The following HNRNPR variants were observed in gnomAD, a reference collection of about 807,000 sequenced individuals.
HNRNPR encodes heterogeneous nuclear ribonucleoprotein R.
A neutral mutation model predicts 70.3 loss-of-function variants in HNRNPR; 4 were observed. The observed-to-expected ratio is 0.06, with a 90% CI of 0.03 to 0.13. The LOEUF is 0.13. Ranked by LOEUF, HNRNPR falls within the 10% of genes least tolerant of loss-of-function variation. The pLI, the probability that HNRNPR is intolerant of heterozygous loss-of-function variation, is 1.00. For missense variants in HNRNPR, 423 were observed against 788.5 expected, an observed-to-expected ratio of 0.54 and a Z score of 5.55; for synonymous variants, 241 against 267.6, an observed-to-expected ratio of 0.90 and a Z score of 0.97.
chr1:23,316,223 T>G (rs1257032411), intron 8 of HNRNPR, among the ~76,000 whole-genome samples: 1 of 152,172 alleles, frequency 6.6e-6, no homozygotes, highest in Non-Finnish European at 1.5e-5. Context: ...GAGGGACGCT[T>G]AAGCCCAGGA....
rs1256699802 is a variant in HNRNPR, at chr1:23,311,034, C to T, written c.1322G>A (p.Arg441His). 3.1e-6 allele frequency: 5 copies of T among 1,614,006 alleles called. No homozygotes were observed. The highest frequency in any genetic ancestry group is 1.1e-5 in the South Asian group (1 of 91,052). ...CCGACCTCTAATTGGAGGTGGCATG[C>T]GAGGAGGAGGGTGGTAGTAATAATC... ...YEDYYYHPPP[R>H]MPPPIRGRGR... is the part of the protein sequence containing the mutation. Residue 441 changes from arginine to histidine, a missense_variant, in exon 11 of 11, where the codon CGC (arginine) becomes CAC (histidine). Transcript: ENST00000302271.
At chr1:23,336,412 GAAAA>G (rs896760273) in intron 4 of HNRNPR, among the ~76,000 whole-genome samples, 1 of 146,166 alleles carries the variant, frequency 6.8e-6, no homozygotes, top group Non-Finnish European at 1.5e-5. Context: ...AAAAATACAA[GAAAA>G]AAAAAATTAG....
chr1:23,329,040 A>G (rs1646113335), intron 5 of HNRNPR, among the ~76,000 whole-genome samples: 1 of 152,072 alleles, frequency 6.6e-6, no homozygotes, highest in African/African-American at 2.4e-5. Flanking sequence ...AGGTTCCCCT[A>G]AACCCAGGAG....
rs1645235157 is a variant in HNRNPR at position 23,308,261 on chromosome 1, G to A, written c.*2193C>T. ...AATTAAAGGAAAGGATTTTGACATG[G>A]AACCCAAGTTTTAATCTTATGTTTT... On this transcript the variant is annotated 3_prime_UTR_variant, in exon 11 of 11. Transcript: ENST00000302271. The A allele has an allele frequency of 6.6e-6, 1 of 152,016 alleles. No homozygotes were observed. Among genetic ancestry groups the A allele is most frequent in the Non-Finnish European group, 1.5e-5 (1 of 67,890 alleles). The allele number at this position is 152,016 out of a possible 1,614,324, so 9.4% of individuals were successfully genotyped here.
chr1:23,320,550 T>C (rs1645716356), intron 7 of HNRNPR, among the ~76,000 whole-genome samples: 2 of 152,144 alleles, frequency 1.3e-5, no homozygotes, highest in South Asian at 2.1e-4. Context: ...TTTAGATTAA[T>C]GAAAGGCTGA....
At position 23,311,029 on chromosome 1, in the gene HNRNPR, G is replaced by A. The variant is rs759970758; in HGVS notation, c.1327C>T (p.Pro443Ser). The A allele has an allele frequency of 1.2e-6, 2 of 1,614,144 alleles. No individual in the cohort carries two copies. The highest frequency in any genetic ancestry group is 1.7e-6 in the Non-Finnish European group (2 of 1,180,014). Residue 443 changes from proline to serine, a missense_variant, in exon 11 of 11, where the codon CCA (proline) becomes TCA (serine). Physicochemically the swap from Pro to Ser is moderately conservative, Grantham distance 74 (BLOSUM62 -1). Coordinates refer to ENST00000302271, the MANE Select transcript of HNRNPR (RefSeq NM_005826.5). ...DYYYHPPPRM[P>S]PPIRGRGRGG... is the part of the protein sequence containing the mutation. ...CGACCCCGACCTCTAATTGGAGGTG[G>A]CATGCGAGGAGGAGGGTGGTAGTAA...
intron 2 of HNRNPR, 130 bp from the exon 3 acceptor site, chr1:23,338,738 C>A: frequency 2.1e-6 from 1 of 480,808 alleles, no homozygotes; most frequent in Non-Finnish European, 3.8e-6. Flanking sequence ...TAACTATATG[C>A]ATATACGCAG....
At position 23,306,485 on chromosome 1, in the gene HNRNPR, C is replaced by A. The variant is rs1645203686; in HGVS notation, c.*3969G>T. ...GACATCATGACATGTCAGGTCAGGG[C>A]AGCCTCAACCTCGCTTCCCTGATAG... On this transcript the variant is annotated 3_prime_UTR_variant, in exon 11 of 11. Coordinates refer to ENST00000302271, the MANE Select transcript of HNRNPR (RefSeq NM_005826.5). 1 of 151,934 alleles carries A rather than the reference C, an allele frequency of 6.6e-6. No individual in the cohort carries two copies. The highest frequency in any genetic ancestry group is 2.4e-5 in the African/African-American group (1 of 41,346). The allele number at this position is 151,934 out of a possible 1,614,324, so 9.4% of individuals were successfully genotyped here.
intron 5 of HNRNPR, among the ~76,000 whole-genome samples, chr1:23,329,697 T>C (rs1398675488): frequency 6.6e-6 from 1 of 152,216 alleles, no homozygotes; most frequent in East Asian, 1.9e-4. Flanking sequence ...AGTGGCACAA[T>C]AACAGCTCAC....
intron 7 of HNRNPR, among the ~76,000 whole-genome samples, chr1:23,321,194 C>A (rs1645745838): frequency 7.3e-6 from 1 of 136,812 alleles, no homozygotes; most frequent in East Asian, 2.0e-4. Flanking sequence ...CTAGACAAGG[C>A]AGCAGGGAGA....
chr1:23,324,629 AATCTAT>A (rs1645892213), intron 5 of HNRNPR, among the ~76,000 whole-genome samples: 2 of 152,188 alleles, frequency 1.3e-5, no homozygotes, highest in South Asian at 4.1e-4. Flanking sequence ...CCAGTGCTTC[AATCTAT>A]TCCTCTCTCT....
chr1:23,311,419 T>A, intron 9 of HNRNPR, 97 bp from the exon 10 acceptor site: 2 of 768,112 alleles, frequency 2.6e-6, no homozygotes, highest in Non-Finnish European at 4.1e-6. Context: ...TTAATACACT[T>A]AACAATTTAC....
At chr1:23,325,729 A>G (rs1645945973) in intron 5 of HNRNPR, among the ~76,000 whole-genome samples, 1 of 151,978 alleles carries the variant, frequency 6.6e-6, no homozygotes, top group Admixed American at 6.6e-5. Flanking sequence ...TATTCCTTCA[A>G]CTCTCATATT....
At position 23,307,429 on chromosome 1, in the gene HNRNPR, A is replaced by G. The variant is rs998949374; in HGVS notation, c.*3025T>C. ...CTAAGTCAGATTTCAAAGTCAAAAG[A>G]GAGAAAAATTATCTCCTACTATCAG... On this transcript the variant is annotated 3_prime_UTR_variant, in exon 11 of 11. Coordinates refer to ENST00000302271, the MANE Select transcript of HNRNPR (RefSeq NM_005826.5). 1 of 152,086 alleles carries G rather than the reference A, an allele frequency of 6.6e-6. No individual in the cohort carries two copies. Among genetic ancestry groups the G allele is most frequent in the African/African-American group, 2.4e-5 (1 of 41,434 alleles). The allele number at this position is 152,086 out of a possible 1,614,324, so 9.4% of individuals were successfully genotyped here.
At chr1:23,333,909 AC>A (rs1192177021) in intron 4 of HNRNPR, among the ~76,000 whole-genome samples, 2 of 151,310 alleles carry the variant, frequency 1.3e-5, no homozygotes, top group Admixed American at 6.6e-5. Context: ...ATTTCTCCCT[AC>A]TGTCTTTTCT....
intron 5 of HNRNPR, among the ~76,000 whole-genome samples, chr1:23,326,993 C>A (rs573688337): frequency 6.6e-6 from 1 of 152,074 alleles, no homozygotes; most frequent in African/African-American, 2.4e-5. Context: ...TGATTAAAAC[C>A]CAGCCTTGTC....
At position 23,310,137 on chromosome 1, in the gene HNRNPR, AC is replaced by A. The variant is rs1645274636; in HGVS notation, c.*316del. The A allele has an allele frequency of 4.8e-6, 1 of 208,046 alleles. No homozygotes were observed. Among genetic ancestry groups the A allele is most frequent in the African/African-American group, 2.3e-5 (1 of 43,172 alleles). 12.9% of individuals were successfully genotyped at this position (208,046 alleles called of 1,614,324 possible). ...ATCCAAAAAAATGAAACTGTCCAAA[AC>A]CAAAGGTTCTGCAAAATCATGATTT... On this transcript the variant is annotated 3_prime_UTR_variant, in exon 11 of 11. Coordinates refer to ENST00000302271, the MANE Select transcript of HNRNPR (RefSeq NM_005826.5). The surrounding 1 kb of genome is among the most constrained non-coding windows in gnomAD (Gnocchi z 6.0).
chr1:23,313,720 A>C lies in HNRNPR; in HGVS notation c.1018-18T>G. The C allele has an allele frequency of 6.3e-7, 1 of 1,597,884 alleles. No homozygotes were observed. Among genetic ancestry groups the C allele is most frequent in the South Asian group, 1.1e-5 (1 of 87,132 alleles). On this transcript the variant is annotated intron_variant, in intron 8 of 10. Transcript: ENST00000302271. Reference sequence around the variant, plus strand: ...ACTTTTACCTAGTAAGCAACAAATAAACAAAACCGTCATTGGCTACTTAAT... The same window carrying C: ...ACTTTTACCTAGTAAGCAACAAATACACAAAACCGTCATTGGCTACTTAAT...
intron 1 of HNRNPR, among the ~76,000 whole-genome samples, chr1:23,343,711 A>G (rs1646792063): frequency 2.0e-5 from 3 of 152,204 alleles, no homozygotes; most frequent in Admixed American, 2.0e-4. Context: ...CTGCTCACAC[A>G]AAACTTTTCT....
Sources: allele counts gnomAD v4.1 joint callset (sites outside exome capture counted in the v4.1 genomes callset), GRCh38; gene constraint gnomAD v4.1.1; non-coding constraint Gnocchi (gnomAD v3.1); transcripts MANE v1.5; gene names NCBI Gene and HGNC (gene_info 2026-07-23, HGNC 2026-07-21).